Variants in NEGR1 observed in about 807,000 individuals in gnomAD.
NEGR1 encodes IgLON family member 4.
NEGR1 carries 10 observed loss-of-function variants against 40.9 expected under a neutral mutation model. The observed-to-expected ratio is 0.24, with a 90% CI of 0.15 to 0.42. The LOEUF is 0.42. Ranked by LOEUF, NEGR1 falls within the 10% of genes least tolerant of loss-of-function variation. NEGR1 has a pLI of 1.00. For synonymous variants in NEGR1, 185 were observed against 166.8 expected (o/e 1.11, Z -0.84); for missense variants, 352 against 438.9 (o/e 0.80, Z 1.77).
At chr1:72,223,804 G>A (rs1654088198) in intron 1 of NEGR1, among the ~76,000 whole-genome samples, 1 of 152,018 alleles carries the variant, frequency 6.6e-6, no homozygotes, top group African/African-American at 2.4e-5. Flanking sequence ...GGATTTTTAT[G>A]TATTCAGTAT....
chr1:72,037,897 C>T (rs1459181008), intron 1 of NEGR1, among the ~76,000 whole-genome samples: 1 of 152,010 alleles, frequency 6.6e-6, no homozygotes, highest in African/African-American at 2.4e-5. Flanking sequence ...AACAGAGCAC[C>T]ATTCTTGGTG....
chr1:71,759,384 G>A (rs752280533), intron 3 of NEGR1, among the ~76,000 whole-genome samples: 15 of 115,888 alleles, frequency 1.3e-4, no homozygotes, highest in Admixed American at 4.8e-4. Flanking sequence ...TGCAACCTCC[G>A]CTTCCCGGGT....
chr1:71,769,318 C>T (rs1656237640), intron 3 of NEGR1, among the ~76,000 whole-genome samples: 1 of 152,082 alleles, frequency 6.6e-6, no homozygotes, highest in African/African-American at 2.4e-5. Flanking sequence ...TTCATGGTAA[C>T]CTCATTTGTG....
chr1:71,437,776 T>G (rs1337208453), intron 6 of NEGR1, among the ~76,000 whole-genome samples: 1 of 152,206 alleles, frequency 6.6e-6, no homozygotes, highest in Non-Finnish European at 1.5e-5. Context: ...TTGTCTAAGA[T>G]ACATTTAAAA....
chr1:71,791,452 T>C (rs1570351495), intron 2 of NEGR1, among the ~76,000 whole-genome samples: 1 of 152,108 alleles, frequency 6.6e-6, no homozygotes, highest in East Asian at 1.9e-4. Context: ...TGGCAGTGTT[T>C]AGAGCATGGA....
chr1:71,881,655 C>G (rs1312890276), intron 2 of NEGR1, among the ~76,000 whole-genome samples: 1 of 152,040 alleles, frequency 6.6e-6, no homozygotes, highest in African/African-American at 2.4e-5. Context: ...AAAGTCTTAA[C>G]TATGAAAATG....
intron 1 of NEGR1, among the ~76,000 whole-genome samples, chr1:72,241,508 T>C (rs1654743785): frequency 6.6e-6 from 1 of 151,614 alleles, no homozygotes; most frequent in African/African-American, 2.4e-5. Context: ...GTTAGTACCA[T>C]AAACTAACTA....
At chr1:71,767,726 G>T (rs113963675) in intron 3 of NEGR1, among the ~76,000 whole-genome samples, 135 of 152,334 alleles carry the variant, frequency 8.9e-4, no homozygotes, top group African/African-American at 3.1e-3. Context: ...GCATTTCAGA[G>T]AAGCTCATGG....
intron 6 of NEGR1, among the ~76,000 whole-genome samples, chr1:71,567,025 A>C (rs1648643218): frequency 6.6e-6 from 1 of 152,178 alleles, no homozygotes. Flanking sequence ...TAGGATTTCA[A>C]CATATGAATT....
At chr1:71,866,102 A>G (rs1557681888) in intron 2 of NEGR1, among the ~76,000 whole-genome samples, 1 of 152,138 alleles carries the variant, frequency 6.6e-6, no homozygotes, top group East Asian at 1.9e-4. Flanking sequence ...GCCTGTAACA[A>G]AAGACACCTT....
intron 1 of NEGR1, among the ~76,000 whole-genome samples, chr1:72,131,840 T>C (rs1017139373): frequency 2.0e-5 from 3 of 152,194 alleles, no homozygotes; most frequent in Non-Finnish European, 2.9e-5. Context: ...CTCACACCTG[T>C]AATCCCAGCA....
At chr1:71,702,339 C>G (rs906361377) in intron 3 of NEGR1, among the ~76,000 whole-genome samples, 2 of 151,956 alleles carry the variant, frequency 1.3e-5, no homozygotes, top group Non-Finnish European at 1.5e-5. Flanking sequence ...AGTATGATAA[C>G]TACTACATTT....
rs199787393 is a variant in NEGR1, at chr1:72,030,887, G to GA, written c.177-95577dup. ...AAAAAAGAAATTGAACTTACACATG[G>GA]AAAAAAAAACAACTGAAGGAAAGAT... is the stretch of plus-strand genomic sequence containing the variant. On this transcript the variant is annotated intron_variant, in intron 1 of 6. Coordinates refer to ENST00000357731, the MANE Select transcript of NEGR1 (RefSeq NM_173808.3). 3.8e-3 allele frequency among the ~76,000 whole-genome samples: 572 copies of GA among 149,650 alleles called. 1 individual carries two copies. Among genetic ancestry groups the GA allele is most frequent in the Middle Eastern group, 0.014 (4 of 294 alleles).
At chr1:71,593,835 C>A (rs1363943291) in intron 5 of NEGR1, among the ~76,000 whole-genome samples, 1 of 152,160 alleles carries the variant, frequency 6.6e-6, no homozygotes, top group Non-Finnish European at 1.5e-5. Flanking sequence ...TAGGTCTAAC[C>A]TAAGACTTAT....
At chr1:71,464,289 A>T (rs1398644200) in intron 6 of NEGR1, among the ~76,000 whole-genome samples, 2 of 152,104 alleles carry the variant, frequency 1.3e-5, no homozygotes, top group Non-Finnish European at 2.9e-5. Context: ...TGAATAAGAG[A>T]ATACGGCAAA....
chr1:72,018,815 T>A (rs1646733195), intron 1 of NEGR1, among the ~76,000 whole-genome samples: 1 of 152,144 alleles, frequency 6.6e-6, no homozygotes. Context: ...CAGGGGCCAC[T>A]GCAAGGATTC....
chr1:71,574,632 T>A (rs1450024662), intron 6 of NEGR1, among the ~76,000 whole-genome samples: 1 of 152,092 alleles, frequency 6.6e-6, no homozygotes, highest in Non-Finnish European at 1.5e-5. Context: ...GACTTAAAAA[T>A]AGCATTCATG....
chr1:72,070,540 T>C (rs565691941), intron 1 of NEGR1, among the ~76,000 whole-genome samples: 1 of 152,152 alleles, frequency 6.6e-6, no homozygotes, highest in African/African-American at 2.4e-5. Flanking sequence ...GCTATATTTA[T>C]GAAGTAATAA....
chr1:71,665,362 A>G (rs1190433466), intron 4 of NEGR1, among the ~76,000 whole-genome samples: 1 of 152,188 alleles, frequency 6.6e-6, no homozygotes, highest in African/African-American at 2.4e-5. Context: ...AAATAGAGGT[A>G]TATGTTAAAC....
Sources: gnomAD v4.1 joint callset for allele counts (sites outside exome capture counted in the v4.1 genomes callset) on GRCh38, gnomAD v4.1.1 for gene constraint, MANE v1.5 for transcripts, NCBI Gene and HGNC (gene_info 2026-07-23, HGNC 2026-07-21) for gene names.